Variants in ITGAV observed in about 807,000 individuals in gnomAD.
ITGAV encodes integrin subunit alpha V, also known as integrin alpha-V.
Under a neutral mutation model 143.8 loss-of-function variants are expected in ITGAV, and 76 were observed. The ratio of observed to expected loss-of-function variants is 0.53; its 90% confidence interval spans 0.44 to 0.64. The LOEUF (loss-of-function observed/expected upper bound fraction) is 0.64. Among genes scored for constraint, ITGAV ranks in the 30% least tolerant of loss-of-function variants. ITGAV has a pLI of 0.00. For synonymous variants in ITGAV, 453 were observed against 446.7 expected (o/e 1.01, Z -0.18); for missense variants, 1,193 against 1,274.7 (o/e 0.94, Z 0.98).
intron 26 of ITGAV, 131 bp downstream of exon 26, chr2:186,669,945 T>G: frequency 1.5e-6 from 1 of 663,478 alleles, no homozygotes; most frequent in Non-Finnish European, 2.6e-6. Flanking sequence ...TACCATGCAT[T>G]CCTCTCACTT....
intron 26 of ITGAV, among the ~76,000 whole-genome samples, chr2:186,674,196 G>T (rs1189683906): frequency 6.6e-6 from 1 of 152,122 alleles, no homozygotes. Context: ...GGCTGGTCTT[G>T]AACTACTGGC....
At chr2:186,652,210 T>C in intron 15 of ITGAV, 121 bp downstream of exon 15, 1 of 651,766 alleles carries the variant, frequency 1.5e-6, no homozygotes, top group Non-Finnish European at 2.7e-6. Context: ...GAGTATACTG[T>C]TTTTTCTATT....
intron 19 of ITGAV, 44 bp downstream of exon 19, chr2:186,663,879 G>T (rs1351755886): frequency 7.8e-7 from 1 of 1,290,004 alleles, no homozygotes; most frequent in Non-Finnish European, 1.1e-6. Flanking sequence ...AATTTAAATG[G>T]AAGGGCACAT....
chr2:186,670,616 A>T (rs116545110), intron 26 of ITGAV, among the ~76,000 whole-genome samples: 1,584 of 152,256 alleles, frequency 0.01, 30 homozygotes, highest in African/African-American at 0.036. Flanking sequence ...TATGTTCAAT[A>T]GTGATCACTA....
intron 12 of ITGAV, among the ~76,000 whole-genome samples, chr2:186,644,906 G>C (rs1238259805): frequency 6.6e-6 from 1 of 152,102 alleles, no homozygotes; most frequent in East Asian, 1.9e-4. Flanking sequence ...AGTGATCAAG[G>C]CATCGTTGAT....
chr2:186,646,604 C>T (rs879444946), intron 12 of ITGAV, 82 bp from the exon 13 acceptor site: 24 of 1,004,312 alleles, frequency 2.4e-5, no homozygotes, highest in Admixed American at 1.9e-4. Flanking sequence ...CCCCTTCTCT[C>T]GTTCCTTCCT....
At chr2:186,646,637 C>T (rs1688267849) in intron 12 of ITGAV, 49 bp from the exon 13 acceptor site, 3 of 1,396,842 alleles carry the variant, frequency 2.1e-6, no homozygotes, top group Non-Finnish European at 2.9e-6. Flanking sequence ...TCTTTTCCTC[C>T]TCCTTACTTC....
chr2:186,592,838 TAAA>T (rs1486496666), intron 1 of ITGAV, among the ~76,000 whole-genome samples: 1 of 152,166 alleles, frequency 6.6e-6, no homozygotes, highest in Non-Finnish European at 1.5e-5. Flanking sequence ...ATAGGTAACT[TAAA>T]AAATGGAAAC....
chr2:186,663,439 T>C (rs1400801565), intron 18 of ITGAV, among the ~76,000 whole-genome samples: 1 of 152,182 alleles, frequency 6.6e-6, no homozygotes, highest in African/African-American at 2.4e-5. Flanking sequence ...TGAAGCCTCA[T>C]TTCTTGGCTA....
At chr2:186,594,335 C>T (rs1228788323) in intron 1 of ITGAV, among the ~76,000 whole-genome samples, 4 of 151,762 alleles carry the variant, frequency 2.6e-5, no homozygotes, top group South Asian at 4.2e-4. Context: ...TTTCATATTC[C>T]TCCCTCTCAT....
At position 186,632,883 on chromosome 2, in the gene ITGAV, A is replaced by C. The variant is rs1416830820; in HGVS notation, c.586-446A>C. Among the ~76,000 whole-genome samples, 2 of 152,140 alleles carry C rather than the reference A, an allele frequency of 1.3e-5. 1 individual carries two copies. Among genetic ancestry groups the C allele is most frequent in the Middle Eastern group, 6.3e-3 (2 of 316 alleles). On this transcript the variant is annotated intron_variant, in intron 5 of 29. Coordinates refer to ENST00000261023, the MANE Select transcript of ITGAV (RefSeq NM_002210.5). The stretch of plus-strand genomic sequence containing the variant: ...TCATGTATTGAATGAATATATTAAA[A>C]TGTTTCTTTTAAATTTTATTTTAGA...
chr2:186,632,469 C>CT, intron 5 of ITGAV, among the ~76,000 whole-genome samples: 1 of 152,080 alleles, frequency 6.6e-6, no homozygotes, highest in East Asian at 1.9e-4. Context: ...CTTGGAAGGG[C>CT]TATATGTACA....
chr2:186,659,213 T>C, intron 18 of ITGAV, 38 bp downstream of exon 18: 1 of 1,362,010 alleles, frequency 7.3e-7, no homozygotes, highest in Non-Finnish European at 9.7e-7. Flanking sequence ...GATATTTTGT[T>C]ATTTTTTTTT....
At chr2:186,642,975 G>A (rs533512445) in intron 12 of ITGAV, among the ~76,000 whole-genome samples, 11 of 152,144 alleles carry the variant, frequency 7.2e-5, no homozygotes, top group Non-Finnish European at 7.4e-5. Context: ...AATGTGAAAA[G>A]AACACTATAT....
intron 4 of ITGAV, among the ~76,000 whole-genome samples, chr2:186,629,724 T>G (rs1397314403): frequency 6.6e-6 from 1 of 152,094 alleles, no homozygotes; most frequent in African/African-American, 2.4e-5. Context: ...ATATTTTTGG[T>G]TCCTGTATTT....
At position 186,642,535 on chromosome 2, in the gene ITGAV, C is replaced by CT. The variant is rs35034170; in HGVS notation, c.1159+964dup. 7.8e-3 allele frequency among the ~76,000 whole-genome samples: 887 copies of CT among 113,170 alleles called. 6 individuals are homozygous for CT. Among genetic ancestry groups the CT allele is most frequent in the Admixed American group, 0.013 (131 of 10,456 alleles). The allele number at this position is 113,170 out of a possible 152,430, so 74.2% of individuals were successfully genotyped here. The stretch of plus-strand genomic sequence containing the variant: ...TTTTCTTTGTTTCTTTCTTTTTTTT[C>CT]TTTTTTTTTTTTTTTTTGAGGCAGG... On this transcript the variant is annotated intron_variant, in intron 12 of 29. Coordinates refer to ENST00000261023, the MANE Select transcript of ITGAV (RefSeq NM_002210.5).
At chr2:186,598,587 G>A (rs1686813743) in intron 1 of ITGAV, among the ~76,000 whole-genome samples, 1 of 151,872 alleles carries the variant, frequency 6.6e-6, no homozygotes, top group South Asian at 2.1e-4. Flanking sequence ...ACAGGCTCAT[G>A]CCACCACGCC....
chr2:186,656,521 A>C, intron 17 of ITGAV, 120 bp downstream of exon 17: 2 of 722,798 alleles, frequency 2.8e-6, no homozygotes, highest in Non-Finnish European at 4.3e-6. Flanking sequence ...AAAATACACA[A>C]AGGAAATTTA....
At chr2:186,621,624 C>T (rs1305121750) in intron 2 of ITGAV, among the ~76,000 whole-genome samples, 1 of 152,054 alleles carries the variant, frequency 6.6e-6, no homozygotes, top group African/African-American at 2.4e-5. Context: ...GAAGTGTTTC[C>T]TACTCTTTTT....
Sources: gnomAD v4.1 joint callset for allele counts (sites outside exome capture counted in the v4.1 genomes callset) on GRCh38, gnomAD v4.1.1 for gene constraint, MANE v1.5 for transcripts, NCBI Gene and HGNC (gene_info 2026-07-23, HGNC 2026-07-21) for gene names.